Variants in CXCL13 observed in about 807,000 individuals in gnomAD.
CXCL13 encodes the protein C-X-C motif chemokine ligand 13.
In CXCL13, 7 loss-of-function variants were observed where a neutral mutation model predicts 12.2. That is an observed-to-expected ratio of 0.57 (90% CI 0.33 to 1.07). The LOEUF is 1.07. Among genes scored for constraint, CXCL13 ranks in the 50% least tolerant of loss-of-function variants. The probability of loss-of-function intolerance (pLI) is 0.04; values close to 1 mark genes in which losing one functional copy is unlikely to be tolerated. For synonymous variants in CXCL13, 47 were observed against 42.4 expected (o/e 1.11, Z -0.42); for missense variants, 113 against 127.4 (o/e 0.89, Z 0.55).
intron 1 of CXCL13, among the ~76,000 whole-genome samples, chr4:77,546,999 C>T (rs1257547228): frequency 6.6e-6 from 1 of 152,046 alleles, no homozygotes; most frequent in African/African-American, 2.4e-5. Context: ...CATTATGTAC[C>T]CAGTAGTCAT....
intron 1 of CXCL13, among the ~76,000 whole-genome samples, chr4:77,524,495 A>G (rs1033225002): frequency 2.6e-5 from 4 of 151,868 alleles, no homozygotes; most frequent in African/African-American, 7.2e-5. Flanking sequence ...AGGCTGTTGC[A>G]CTTTCTCCAT....
intron 1 of CXCL13, among the ~76,000 whole-genome samples, chr4:77,577,734 GAAGA>G (rs1726230299): frequency 6.6e-6 from 1 of 152,144 alleles, no homozygotes; most frequent in Non-Finnish European, 1.5e-5. Flanking sequence ...TATAAGAACA[GAAGA>G]AAGAAAGAGG....
chr4:77,538,115 T>A (rs1489427903), intron 1 of CXCL13, among the ~76,000 whole-genome samples: 1 of 152,190 alleles, frequency 6.6e-6, no homozygotes, highest in Non-Finnish European at 1.5e-5. Context: ...TTGAACCCAC[T>A]GTGCCTAAAA....
intron 1 of CXCL13, among the ~76,000 whole-genome samples, chr4:77,529,354 A>G (rs1724848261): frequency 6.6e-6 from 1 of 152,192 alleles, no homozygotes; most frequent in African/African-American, 2.4e-5. Context: ...CATTGAATCT[A>G]TAAATTACCT....
At chr4:77,560,483 G>C (rs959777669) in intron 1 of CXCL13, among the ~76,000 whole-genome samples, 1 of 152,156 alleles carries the variant, frequency 6.6e-6, no homozygotes, top group Non-Finnish European at 1.5e-5. Flanking sequence ...ACAACTTATA[G>C]AATCATTTTA....
Position 77,544,385 on chromosome 4 carries a change from T to C in CXCL13, c.-43+32597T>C, listed in dbSNP as rs543759820. Among the ~76,000 whole-genome samples, 15 of 152,316 alleles carry C rather than the reference T, an allele frequency of 9.8e-5. No individual in the cohort carries two copies. The South Asian group carries it at 2.9e-3, about 29-fold the overall frequency. On this transcript the variant is annotated intron_variant, in intron 1 of 4. Coordinates refer to the CXCL13 transcript ENST00000286758. Reference sequence around the variant, plus strand: ...CCAACAGTGTAAAAGTGTTCCTATTTCTCCACATCCTCTCCAGCACCTGCT... The same window carrying C: ...CCAACAGTGTAAAAGTGTTCCTATTCCTCCACATCCTCTCCAGCACCTGCT...
At chr4:77,526,881 G>A (rs530870126) in intron 1 of CXCL13, among the ~76,000 whole-genome samples, 1 of 152,226 alleles carries the variant, frequency 6.6e-6, no homozygotes, top group Admixed American at 6.5e-5. Flanking sequence ...CAAGCAGATT[G>A]GTCACAGGGC....
intron 1 of CXCL13, among the ~76,000 whole-genome samples, chr4:77,551,288 T>G (rs566535313): frequency 6.6e-6 from 1 of 152,348 alleles, no homozygotes; most frequent in East Asian, 1.9e-4. Flanking sequence ...TAAAATTCCT[T>G]TGAGGCTCTC....
intron 1 of CXCL13, among the ~76,000 whole-genome samples, chr4:77,593,450 G>A (rs1051840053): frequency 5.3e-5 from 8 of 152,180 alleles, no homozygotes; most frequent in South Asian, 4.1e-4. Context: ...GGACATCCCC[G>A]TGAGACTTGG....
At chr4:77,601,945 T>C (rs1660584288), upstream of CXCL13, among the ~76,000 whole-genome samples, 2 of 152,224 alleles carry the variant, frequency 1.3e-5, no homozygotes. Context: ...TCTATTGTGC[T>C]GAAAGTTATG....
intron 1 of CXCL13, among the ~76,000 whole-genome samples, chr4:77,568,912 G>A (rs1726001022): frequency 6.6e-6 from 1 of 152,006 alleles, no homozygotes; most frequent in Non-Finnish European, 1.5e-5. Flanking sequence ...TTTATTTAAT[G>A]CTTTGCTATA....
chr4:77,539,491 T>G (rs1725149752), intron 1 of CXCL13, among the ~76,000 whole-genome samples: 1 of 152,208 alleles, frequency 6.6e-6, no homozygotes, highest in African/African-American at 2.4e-5. Flanking sequence ...GCATCCCTTC[T>G]CCTCTAATTC....
At chr4:77,536,814 T>C (rs937465088) in intron 1 of CXCL13, among the ~76,000 whole-genome samples, 1 of 152,220 alleles carries the variant, frequency 6.6e-6, no homozygotes. Flanking sequence ...TTAAAAAGAA[T>C]GACTTTATCA....
intron 1 of CXCL13, among the ~76,000 whole-genome samples, chr4:77,518,208 C>T (rs998795217): frequency 1.1e-4 from 16 of 152,226 alleles, no homozygotes; most frequent in Admixed American, 9.2e-4. Context: ...CCCGACCTTT[C>T]TCTCTGGCTG....
At chr4:77,581,885 T>C (rs1323542035) in intron 1 of CXCL13, among the ~76,000 whole-genome samples, 1 of 152,210 alleles carries the variant, frequency 6.6e-6, no homozygotes, top group African/African-American at 2.4e-5. Context: ...TCACTGGCAT[T>C]TCTTTGCCTC....
chr4:77,573,362 TTGTGTGTGTGTGTGTGTGTGTGTGTGTG>T (rs3048191), intron 1 of CXCL13, among the ~76,000 whole-genome samples: 1 of 134,908 alleles, frequency 7.4e-6, no homozygotes, highest in Non-Finnish European at 1.6e-5. Context: ...ATTGGGTCTT[TTGTGTGTGTGTGTGTGTGTGTGTGTGTG>T]TGTGTGTGTG....
upstream of CXCL13, among the ~76,000 whole-genome samples, chr4:77,602,290 T>C (rs185231516): frequency 1.0e-3 from 157 of 152,324 alleles, 1 homozygote; most frequent in Non-Finnish European, 1.9e-3. Context: ...AGTACTGACA[T>C]CTACAGTGGA....
intron 3 of CXCL13, 41 bp downstream of exon 3, chr4:77,610,735 A>G: frequency 7.0e-7 from 1 of 1,438,676 alleles, no homozygotes; most frequent in South Asian, 1.1e-5. Flanking sequence ...TCCAACTTGT[A>G]CTGAAGAGTT....
At chr4:77,537,811 C>A (rs976078394) in intron 1 of CXCL13, among the ~76,000 whole-genome samples, 9 of 152,094 alleles carry the variant, frequency 5.9e-5, no homozygotes, top group Non-Finnish European at 1.3e-4. Context: ...CTCTATGGAT[C>A]CTAGGGTAGA....
Sources: allele counts gnomAD v4.1 joint callset (sites outside exome capture counted in the v4.1 genomes callset), GRCh38; gene constraint gnomAD v4.1.1; transcripts MANE v1.5; gene names NCBI Gene and HGNC (gene_info 2026-07-23, HGNC 2026-07-21).